The following CUX1 variants were observed in gnomAD, a reference collection of about 807,000 sequenced individuals.
The protein encoded by CUX1 is cut like homeobox 1, also known as protein CASP.
A neutral mutation model predicts 158.8 loss-of-function variants in CUX1; 31 were observed. The ratio of observed to expected loss-of-function variants is 0.20; its 90% CI spans 0.15 to 0.26. The LOEUF (loss-of-function observed/expected upper bound fraction) is 0.26, where lower values mean the gene tolerates loss of function less well. Ranked by LOEUF, CUX1 falls within the 10% of genes least tolerant of loss-of-function variation. The probability of loss-of-function intolerance (pLI) is 1.00; values close to 1 mark genes in which losing one functional copy is unlikely to be tolerated. For missense variants in CUX1, 1,589 were observed against 2,014.6 expected, an observed-to-expected ratio of 0.79 and a Z score of 4.04; for synonymous variants, 879 against 862.1, an observed-to-expected ratio of 1.02 and a Z score of -0.34.
intron 3 of CUX1, among the ~76,000 whole-genome samples, chr7:102,028,724 G>T (rs1161305167): frequency 6.6e-6 from 1 of 152,220 alleles, no homozygotes; most frequent in Non-Finnish European, 1.5e-5. Context: ...TGGGACATCC[G>T]CCCTGGCTAC....
chr7:101,968,524 G>A (rs1811515395), intron 2 of CUX1, among the ~76,000 whole-genome samples: 1 of 152,154 alleles, frequency 6.6e-6, no homozygotes, highest in African/African-American at 2.4e-5. Flanking sequence ...CCAGGTTCAA[G>A]TGATTCTCCT....
In CUX1 at chr7:102,197,376, G is replaced by A. The variant is rs1307102109; in HGVS notation, c.1894+71G>A. On this transcript the variant is annotated intron_variant, in intron 15 of 23. Coordinates refer to ENST00000292535, the MANE Select transcript of CUX1 (RefSeq NM_181552.4). The stretch of plus-strand genomic sequence containing the variant: ...GAGTTGCACATGTGTGTGTGCATGC[G>A]TGCGTGTGTCTGTGTGCGTGATGAA... The A allele has an allele frequency of 1.3e-5, 20 of 1,483,068 alleles. 1 individual carries two copies. Among genetic ancestry groups the A allele is most frequent in the East Asian group, 6.8e-5 (3 of 43,926 alleles). 91.9% of individuals were successfully genotyped at this position (1,483,068 alleles called of 1,614,324 possible).
rs1563503845 is a variant in CUX1 at position 102,256,158 on chromosome 7, A to C, written c.*7116A>C. On this transcript the variant is annotated 3_prime_UTR_variant, in exon 24 of 24. Coordinates refer to ENST00000292535, the MANE Select transcript of CUX1 (RefSeq NM_181552.4). ...GGAGCCGCTGGCCTGACGAGGCAGGATAGGGAGTATCCGTGATTCAGAAGC... is the reference window on the plus strand; with the variant it reads ...GGAGCCGCTGGCCTGACGAGGCAGGCTAGGGAGTATCCGTGATTCAGAAGC... 1.0e-6 allele frequency: 1 copy of C among 985,306 alleles called. No homozygotes were observed. Among genetic ancestry groups the C allele is most frequent in the Non-Finnish European group, 1.2e-6 (1 of 829,956 alleles). The allele number at this position is 985,306 out of a possible 1,614,324, so 61.0% of individuals were successfully genotyped here.
At chr7:102,231,301 A>G (rs1798959658) in intron 21 of CUX1, among the ~76,000 whole-genome samples, 2 of 150,706 alleles carry the variant, frequency 1.3e-5, no homozygotes, top group Admixed American at 6.6e-5. Context: ...AAGTGCTGGG[A>G]TTACAGGCGT....
chr7:101,871,408 G>A (rs1017310051), intron 1 of CUX1, among the ~76,000 whole-genome samples: 1 of 152,016 alleles, frequency 6.6e-6, no homozygotes, highest in Non-Finnish European at 1.5e-5. Context: ...GAAGCAGGGG[G>A]CCCTGTGTCC....
At chr7:101,821,472 G>A (rs563406811) in intron 1 of CUX1, among the ~76,000 whole-genome samples, 2 of 151,508 alleles carry the variant, frequency 1.3e-5, no homozygotes, top group Admixed American at 1.3e-4. Flanking sequence ...CCGAGTAGCT[G>A]GGACTACAGG....
At chr7:102,194,040 A>T (rs1794547710) in intron 13 of CUX1, 150 bp downstream of exon 13, 2 of 779,960 alleles carry the variant, frequency 2.6e-6, no homozygotes, top group South Asian at 1.7e-5. Context: ...AACCAAGTTG[A>T]AGCAAATTAT....
intron 8 of CUX1, among the ~76,000 whole-genome samples, chr7:102,143,039 G>A (rs943313557): frequency 1.3e-5 from 2 of 152,196 alleles, no homozygotes; most frequent in African/African-American, 4.8e-5. Flanking sequence ...GCAAGTCCCC[G>A]GAGTGCAGGA....
chr7:101,939,713 G>A (rs1004837700), intron 2 of CUX1, among the ~76,000 whole-genome samples: 1 of 152,068 alleles, frequency 6.6e-6, no homozygotes, highest in Non-Finnish European at 1.5e-5. Context: ...TGTGGTCCCA[G>A]CTGCTTGGGA....
At chr7:102,150,468 T>C (rs1376817886) in intron 8 of CUX1, among the ~76,000 whole-genome samples, 1 of 152,248 alleles carries the variant, frequency 6.6e-6, no homozygotes, top group Non-Finnish European at 1.5e-5. Context: ...GACTATTGGC[T>C]TATGAATCAA....
intron 1 of CUX1, among the ~76,000 whole-genome samples, chr7:101,910,628 T>A (rs947108833): frequency 1.3e-5 from 2 of 151,954 alleles, no homozygotes; most frequent in Admixed American, 1.3e-4. Flanking sequence ...TAGTGGCTCA[T>A]GCCTGTAATC....
In CUX1 at chr7:101,951,709, G is replaced by C. The variant is rs908756200; in HGVS notation, c.141+35484G>C. On this transcript the variant is annotated intron_variant, in intron 2 of 23. Coordinates refer to ENST00000292535, the MANE Select transcript of CUX1 (RefSeq NM_181552.4). ...TTTTTAGTAGAGACAGGGTTTCACC[G>C]TGTTAGCCAGGATGGTCTCAATCTC... Among the ~76,000 whole-genome samples the C allele has an allele frequency of 5.9e-5, 9 of 152,022 alleles. 1 individual carries two copies. The South Asian group carries it at 1.7e-3, about 28-fold the overall frequency.
At chr7:102,225,210 C>G (rs1405543823) in intron 20 of CUX1, among the ~76,000 whole-genome samples, 2 of 152,158 alleles carry the variant, frequency 1.3e-5, no homozygotes, top group Non-Finnish European at 2.9e-5. Flanking sequence ...ATGTGTTTTT[C>G]TCTTTGTAAC....
chr7:102,206,718 G>A (rs1424629871), intron 20 of CUX1, among the ~76,000 whole-genome samples: 1 of 152,182 alleles, frequency 6.6e-6, no homozygotes. Flanking sequence ...CCAACGTGGT[G>A]AAACCCCGTC....
At chr7:101,955,243 C>T (rs1809617352) in intron 2 of CUX1, among the ~76,000 whole-genome samples, 1 of 152,088 alleles carries the variant, frequency 6.6e-6, no homozygotes, top group Non-Finnish European at 1.5e-5. Flanking sequence ...TGGTCCATTC[C>T]CTTCTCCCTG....
At chr7:102,237,686 G>A (rs184942312) in intron 22 of CUX1, among the ~76,000 whole-genome samples, 7 of 152,294 alleles carry the variant, frequency 4.6e-5, no homozygotes, top group East Asian at 3.9e-4. Flanking sequence ...GTCTCTCCCC[G>A]TGTGTGGAGA....
chr7:102,115,485 G>C, intron 8 of CUX1: 1 of 484,498 alleles, frequency 2.1e-6, no homozygotes, highest in Non-Finnish European at 3.6e-6. Context: ...GTGAAGGCTG[G>C]TCACTGCTAT....
intron 11 of CUX1, among the ~76,000 whole-genome samples, chr7:102,179,605 C>G (rs75611885): frequency 4.6e-5 from 7 of 152,164 alleles, no homozygotes; most frequent in Non-Finnish European, 1.0e-4. Context: ...CTATCCCAGA[C>G]GCAGAACCCA....
At position 102,254,459 on chromosome 7, in the gene CUX1, G is replaced by A. The variant is rs561980939; in HGVS notation, c.*5417G>A. The A allele has an allele frequency of 1.3e-4, 126 of 985,494 alleles. 1 individual carries two copies. In the South Asian group the frequency reaches 4.1e-3, roughly 32 times the overall value. 61.0% of individuals were successfully genotyped at this position (985,494 alleles called of 1,614,324 possible). Reference sequence around the variant, plus strand: ...CAGCCTACACGCCCCGTCCACAGTGGCATCACCCTCTTATCCCAAAAGAAT... The same window carrying A: ...CAGCCTACACGCCCCGTCCACAGTGACATCACCCTCTTATCCCAAAAGAAT... On this transcript the variant is annotated 3_prime_UTR_variant, in exon 24 of 24. Coordinates refer to ENST00000292535, the MANE Select transcript of CUX1 (RefSeq NM_181552.4).
Sources: allele counts gnomAD v4.1 joint callset (sites outside exome capture counted in the v4.1 genomes callset), GRCh38; gene constraint gnomAD v4.1.1; transcripts MANE v1.5; gene names NCBI Gene and HGNC (gene_info 2026-07-23, HGNC 2026-07-21).